Variants in FAM81B observed in about 807,000 individuals in gnomAD.
FAM81B encodes protein FAM81B.
A neutral mutation model predicts 58.7 loss-of-function variants in FAM81B; 60 were observed. That is an observed-to-expected ratio of 1.02 (90% CI 0.83 to 1.27). FAM81B has a LOEUF of 1.27. Among genes scored for constraint, FAM81B ranks in the 50% most tolerant of loss-of-function variants. The probability of loss-of-function intolerance (pLI) is 0.00; values close to 1 mark genes in which losing one functional copy is unlikely to be tolerated. For missense variants in FAM81B, 491 were observed against 522.0 expected (o/e 0.94, Z 0.58); for synonymous variants, 189 against 179.6 (o/e 1.05, Z -0.42).
In FAM81B at chr5:95,413,946, G is replaced by A. The variant is rs765446641; in HGVS notation, c.294-1G>A. On this transcript the variant is annotated splice_acceptor_variant, in intron 3 of 9. Coordinates refer to ENST00000283357, the MANE Select transcript of FAM81B (RefSeq NM_152548.3). LOFTEE classifies it high-confidence loss of function. ...TGTTTCCTTTTCCTTTTTCTGATCAGGAGTCATGCTTTTCTCCCCATCATT... is the reference window on the plus strand; with the variant it reads ...TGTTTCCTTTTCCTTTTTCTGATCAAGAGTCATGCTTTTCTCCCCATCATT... 6.2e-7 allele frequency: 1 copy of A among 1,611,196 alleles called. No homozygotes were observed. Among genetic ancestry groups the A allele is most frequent in the East Asian group, 2.2e-5 (1 of 44,848 alleles).
At chr5:95,441,084 C>A (rs868002211) in intron 7 of FAM81B, among the ~76,000 whole-genome samples, 2 of 152,016 alleles carry the variant, frequency 1.3e-5, no homozygotes, top group African/African-American at 4.8e-5. Flanking sequence ...AATTGAAACC[C>A]GAGACGATGG....
intron 7 of FAM81B, chr5:95,440,430 C>T (rs1745288389): frequency 1.5e-6 from 1 of 652,040 alleles, no homozygotes; most frequent in African/African-American, 1.8e-5. Flanking sequence ...TAAGGCAATT[C>T]GAATTTTGGT....
At chr5:95,395,941 G>C (rs1761953860) in intron 2 of FAM81B, among the ~76,000 whole-genome samples, 170 bp from the exon 3 acceptor site, 2 of 152,092 alleles carry the variant, frequency 1.3e-5, no homozygotes, top group Admixed American at 1.3e-4. Context: ...ACTTAATTTT[G>C]TTTTTAGTCA....
At position 95,438,611 on chromosome 5, in the gene FAM81B, C is replaced by T. The variant is rs1745194090; in HGVS notation, c.893+1705C>T. Among the ~76,000 whole-genome samples, 2 of 152,030 alleles carry T rather than the reference C, an allele frequency of 1.3e-5. 1 individual carries two copies. Among genetic ancestry groups the T allele is most frequent in the South Asian group, 4.2e-4 (2 of 4,818 alleles). ...TAACAGTGTAAACTTGACTCTTTTTCTCACTTTAAATAATGAAGTCTTAAT... is the reference window on the plus strand; with the variant it reads ...TAACAGTGTAAACTTGACTCTTTTTTTCACTTTAAATAATGAAGTCTTAAT... On this transcript the variant is annotated intron_variant, in intron 7 of 9. Transcript: ENST00000283357.
intron 7 of FAM81B, among the ~76,000 whole-genome samples, chr5:95,439,228 G>A (rs1291484544): frequency 8.7e-5 from 7 of 80,626 alleles, no homozygotes; most frequent in Non-Finnish European, 1.5e-4. Flanking sequence ...AGCTTGCTAG[G>A]TTAAAGAGTA....
At chr5:95,417,649 A>T (rs1762571532) in intron 4 of FAM81B, among the ~76,000 whole-genome samples, 1 of 152,218 alleles carries the variant, frequency 6.6e-6, no homozygotes, top group Non-Finnish European at 1.5e-5. Flanking sequence ...ATATGGTAGT[A>T]AGTGTTTAAC....
intron 7 of FAM81B, chr5:95,440,663 C>T: frequency 2.3e-6 from 2 of 872,198 alleles, no homozygotes; most frequent in Non-Finnish European, 3.3e-6. Context: ...CAAGGACAGA[C>T]CACAGACTGG....
intron 5 of FAM81B, among the ~76,000 whole-genome samples, chr5:95,427,473 G>A (rs1425850774): frequency 6.6e-6 from 1 of 152,038 alleles, no homozygotes; most frequent in Non-Finnish European, 1.5e-5. Flanking sequence ...ATACTAAAGG[G>A]ATACCTTTAG....
intron 2 of FAM81B, among the ~76,000 whole-genome samples, chr5:95,393,935 T>A (rs17084624): frequency 0.2 from 30,038 of 152,138 alleles, 3,566 homozygotes; most frequent in Admixed American, 0.27. Flanking sequence ...TATAATAACA[T>A]CCTAGCTTAT....
chr5:95,391,487 CT>C lies in FAM81B; in HGVS notation c.99del (p.Gly34GlufsTer6), dbSNP rs778577584. On this transcript the variant is annotated frameshift_variant, in exon 1 of 10. Coordinates refer to ENST00000283357, the MANE Select transcript of FAM81B (RefSeq NM_152548.3). LOFTEE classifies it high-confidence loss of function. Reference sequence around the variant, plus strand: ...AATATCAAATCTACAAAAAATAAAGCTGGAAAAGCAAGCATCATGAGTTCAG... The same window carrying C: ...AATATCAAATCTACAAAAAATAAAGCGGAAAAGCAAGCATCATGAGTTCAG... Reference protein sequence around the residue: ...FKNIKSTKNKAGKASIMSSDT... With the variant: ...FKNIKSTKNKXGKASIMSSDT... 1 of 1,613,556 alleles carries C rather than the reference CT, an allele frequency of 6.2e-7. No homozygotes were observed. The highest frequency in any genetic ancestry group is 1.1e-5 in the South Asian group (1 of 91,018).
At chr5:95,414,249 A>G (rs1231658350) in intron 4 of FAM81B, 59 bp downstream of exon 4, 2 of 1,525,274 alleles carry the variant, frequency 1.3e-6, no homozygotes, top group African/African-American at 1.4e-5. Context: ...ATTGCTTGAT[A>G]AAGATTATCA....
chr5:95,443,114 T>C (rs6556872), intron 7 of FAM81B, among the ~76,000 whole-genome samples: 60,139 of 151,916 alleles, frequency 0.4, 16,469 homozygotes, highest in African/African-American at 0.78. Context: ...GACATAAGTG[T>C]AGTGGCAAAA....
rs186835962 is a variant in FAM81B at position 95,419,638 on chromosome 5, A to G, written c.538-646A>G. Among the ~76,000 whole-genome samples the G allele has an allele frequency of 3.1e-3, 478 of 152,304 alleles. 5 individuals are homozygous for G. The highest frequency in any genetic ancestry group is 0.011 in the African/African-American group (456 of 41,568). ...AGTTCTATTTCCAGAACACCAAAAC[A>G]CAATAAAGATGTGACTAACAACACT... On this transcript the variant is annotated intron_variant, in intron 4 of 9. Transcript: ENST00000283357.
At chr5:95,422,741 T>C (rs1762720583) in intron 5 of FAM81B, among the ~76,000 whole-genome samples, 1 of 152,240 alleles carries the variant, frequency 6.6e-6, no homozygotes, top group African/African-American at 2.4e-5. Flanking sequence ...GCAAACCACT[T>C]ACAAACCAAT....
chr5:95,446,756 TAAA>T, intron 8 of FAM81B, 59 bp downstream of exon 8: 4 of 1,575,756 alleles, frequency 2.5e-6, no homozygotes, highest in Non-Finnish European at 3.4e-6. Flanking sequence ...TAGCAGTGAG[TAAA>T]GGTCTGGGAA....
intron 3 of FAM81B, among the ~76,000 whole-genome samples, chr5:95,401,209 A>T (rs1383239706): frequency 2.0e-5 from 3 of 152,166 alleles, no homozygotes. Flanking sequence ...AGTCTGCCTT[A>T]TAGAGCGCAT....
chr5:95,401,177 A>G (rs188216710), intron 3 of FAM81B, among the ~76,000 whole-genome samples: 187 of 152,280 alleles, frequency 1.2e-3, no homozygotes, highest in African/African-American at 4.4e-3. Flanking sequence ...CAATCTTACT[A>G]AAAATTTTGC....
At chr5:95,414,703 G>A (rs1053942960) in intron 4 of FAM81B, among the ~76,000 whole-genome samples, 1 of 152,102 alleles carries the variant, frequency 6.6e-6, no homozygotes, top group East Asian at 1.9e-4. Flanking sequence ...AATTCACTCT[G>A]GCTGGATCAT....
At chr5:95,417,437 T>C (rs1266837558) in intron 4 of FAM81B, among the ~76,000 whole-genome samples, 2 of 152,140 alleles carry the variant, frequency 1.3e-5, no homozygotes, top group Non-Finnish European at 2.9e-5. Flanking sequence ...CTTGGGAGGA[T>C]TGCTTGAGGC....
Sources: gnomAD v4.1 joint callset for allele counts (sites outside exome capture counted in the v4.1 genomes callset) on GRCh38, gnomAD v4.1.1 for gene constraint, MANE v1.5 for transcripts, NCBI Gene and HGNC (gene_info 2026-07-23, HGNC 2026-07-21) for gene names.